The following PKHD1 variants were observed in gnomAD, a reference collection of about 807,000 sequenced individuals.
PKHD1 encodes PKHD1 ciliary IPT domain containing fibrocystin/polyductin, also known as fibrocystin.
In PKHD1, 291 loss-of-function variants were observed where a neutral mutation model predicts 412.0. The ratio of observed to expected loss-of-function variants is 0.71; its 90% CI spans 0.64 to 0.78. The LOEUF is 0.78. PKHD1 is among the 30% of genes least tolerant of loss of function. The pLI is 0.00. For missense variants in PKHD1, 4,825 were observed against 4,950.7 expected, an observed-to-expected ratio of 0.97 and a Z score of 0.76; for synonymous variants, 1,777 against 1,821.5, an observed-to-expected ratio of 0.98 and a Z score of 0.62.
chr6:51,762,689 G>A (rs904824640), intron 55 of PKHD1, among the ~76,000 whole-genome samples: 3 of 149,212 alleles, frequency 2.0e-5, no homozygotes, highest in Non-Finnish European at 4.5e-5. Context: ...AATTCTTTTG[G>A]TGAAAATTCA....
intron 48 of PKHD1, among the ~76,000 whole-genome samples, chr6:51,860,287 C>T (rs1201236472): frequency 6.6e-6 from 1 of 152,168 alleles, no homozygotes; most frequent in Non-Finnish European, 1.5e-5. Context: ...CTGACCATCA[C>T]CAGGGGCCAA....
At chr6:51,968,893 C>G (rs1793238606) in intron 35 of PKHD1, among the ~76,000 whole-genome samples, 1 of 152,194 alleles carries the variant, frequency 6.6e-6, no homozygotes. Flanking sequence ...TCTGAGATGT[C>G]CTAGGATTCT....
intron 55 of PKHD1, among the ~76,000 whole-genome samples, chr6:51,755,979 A>G (rs1786941122): frequency 6.6e-6 from 1 of 152,016 alleles, no homozygotes. Flanking sequence ...TCTGTGTAAT[A>G]CCATGGGAGT....
At chr6:51,823,269 G>A (rs1766757966) in intron 52 of PKHD1, among the ~76,000 whole-genome samples, 1 of 152,012 alleles carries the variant, frequency 6.6e-6, no homozygotes, top group African/African-American at 2.4e-5. Flanking sequence ...CTAGATGGGA[G>A]CACATACCAA....
intron 35 of PKHD1, among the ~76,000 whole-genome samples, chr6:51,965,182 T>A (rs1326924902): frequency 6.6e-6 from 1 of 152,156 alleles, no homozygotes; most frequent in Non-Finnish European, 1.5e-5. Context: ...GTTCTTAAGG[T>A]ACTTATATTA....
At chr6:51,805,358 C>CAG (rs35439600) in intron 52 of PKHD1, among the ~76,000 whole-genome samples, 90,559 of 151,662 alleles carry the variant, frequency 0.6, 27,429 homozygotes, top group East Asian at 0.78. Flanking sequence ...ATGAAAATAA[C>CAG]ACACTAGAGA....
chr6:51,900,384 G>A (rs1428871273), intron 43 of PKHD1, among the ~76,000 whole-genome samples: 1 of 152,196 alleles, frequency 6.6e-6, no homozygotes, highest in Admixed American at 6.5e-5. Context: ...ACAACTATCT[G>A]ATCTTTGACA....
intron 60 of PKHD1, among the ~76,000 whole-genome samples, chr6:51,741,500 C>T (rs560376229): frequency 3.3e-5 from 5 of 152,000 alleles, no homozygotes; most frequent in Non-Finnish European, 7.4e-5. Flanking sequence ...CCCAAAGCAT[C>T]CCCCAAAGTC....
At chr6:51,816,671 G>C (rs9382035) in intron 52 of PKHD1, among the ~76,000 whole-genome samples, 77,646 of 152,060 alleles carry the variant, frequency 0.51, 20,249 homozygotes, top group Middle Eastern at 0.64. Context: ...GCGACCAACT[G>C]ATCAAACTGT....
At chr6:51,864,091 A>G (rs1413897947) in intron 48 of PKHD1, among the ~76,000 whole-genome samples, 1 of 152,178 alleles carries the variant, frequency 6.6e-6, no homozygotes, top group South Asian at 2.1e-4. Flanking sequence ...CCTAGCAGAG[A>G]AAACGACCTC....
At position 51,627,078 on chromosome 6, in the gene PKHD1, T is replaced by G. The variant is rs776394761; in HGVS notation, c.11704A>C (p.Asn3902His). The change falls in exon 66 of 67, where the codon AAT becomes CAT. Residue 3902 changes from asparagine to histidine, a missense_variant. Asn to His is a moderately conservative substitution (Grantham distance 68). Transcript: ENST00000371117. ...PEEIPESQTN[N>H]QNIHIHISSK... ...GAGATGTGGATATGAATATTTTGAT[T>G]ATTAGTCTGGGATTCAGGAATCTCT... is the stretch of plus-strand genomic sequence containing the variant. 1.9e-6 allele frequency: 3 copies of G among 1,610,388 alleles called. No individual in the cohort carries two copies. The highest frequency in any genetic ancestry group is 2.5e-6 in the Non-Finnish European group (3 of 1,176,714).
rs56342114 is a variant in PKHD1, at chr6:52,058,771, CTCTATCTATCTA to C, written c.1234-182_1234-171del. ...TGTGGTTATTTATGCTTCTCCAGCT[CTCTATCTATCTA>C]TCTATCTATCTATCTATCTATCTAT... is the stretch of plus-strand genomic sequence containing the variant. On this transcript the variant is annotated intron_variant, in intron 15 of 66. Coordinates refer to ENST00000371117, the MANE Select transcript of PKHD1 (RefSeq NM_138694.4). 0.016 allele frequency among the ~76,000 whole-genome samples: 2,376 copies of C among 149,302 alleles called. 55 individuals carry two copies. The highest frequency in any genetic ancestry group is 0.056 in the African/African-American group (2,248 of 40,438).
intron 24 of PKHD1, among the ~76,000 whole-genome samples, chr6:52,045,601 G>T (rs1423346789): frequency 1.3e-5 from 2 of 152,166 alleles, no homozygotes; most frequent in African/African-American, 2.4e-5. Flanking sequence ...CCCTAAATAT[G>T]CAAGAGCATC....
intron 36 of PKHD1, among the ~76,000 whole-genome samples, chr6:51,950,220 A>AAAAAAAAAATATATAT: frequency 1.1e-4 from 11 of 98,300 alleles, no homozygotes; most frequent in African/African-American, 3.4e-4. Context: ...GAAAAAAAAA[A>AAAAAAAAAATATATAT]ATATATATAT....
At chr6:51,946,548 G>A (rs1163297098) in intron 36 of PKHD1, among the ~76,000 whole-genome samples, 1 of 152,324 alleles carries the variant, frequency 6.6e-6, no homozygotes, top group African/African-American at 2.4e-5. Flanking sequence ...TGGGAGGGCT[G>A]TGGGAGGACT....
At chr6:51,956,236 T>C (rs1791105036) in intron 36 of PKHD1, among the ~76,000 whole-genome samples, 1 of 152,040 alleles carries the variant, frequency 6.6e-6, no homozygotes, top group African/African-American at 2.4e-5. Context: ...TATGTGTGTA[T>C]GTACATATTT....
intron 46 of PKHD1, among the ~76,000 whole-genome samples, chr6:51,874,760 G>A (rs1164842661): frequency 3.5e-5 from 5 of 144,322 alleles, no homozygotes; most frequent in African/African-American, 1.0e-4. Context: ...AACTCCGTCT[G>A]TACTAAAAAC....
chr6:51,754,797 T>G lies in PKHD1; in HGVS notation c.8784A>C (p.Lys2928Asn), dbSNP rs764420408. 5 of 1,613,620 alleles carry G rather than the reference T, an allele frequency of 3.1e-6. No individual in the cohort carries two copies. The Admixed American group carries it at 8.3e-5, about 27-fold the overall frequency. Residue 2928 changes from lysine to asparagine, a missense_variant, in exon 56 of 67, where the codon AAA becomes AAC. Lys to Asn is a moderately conservative substitution (Grantham distance 94). Transcript: ENST00000371117. ...CCAAAGCCTTACCAATATGCCGGTG[T>G]TTGAGCCGTTCATAGATCCTCACAT... is the stretch of plus-strand genomic sequence containing the variant. ...GHHVRIYERLKHRHIGSVHVT... is the reference protein window; with the variant it reads ...GHHVRIYERLNHRHIGSVHVT...
At chr6:52,087,152 CTCTT>C (rs1424880495) in intron 1 of PKHD1, among the ~76,000 whole-genome samples, 5 of 152,158 alleles carry the variant, frequency 3.3e-5, no homozygotes, top group African/African-American at 9.7e-5. Flanking sequence ...AACTCAGACT[CTCTT>C]TATTTCTCAT....
Sources: gnomAD v4.1 joint callset for allele counts (sites outside exome capture counted in the v4.1 genomes callset) on GRCh38, gnomAD v4.1.1 for gene constraint, MANE v1.5 for transcripts, NCBI Gene and HGNC (gene_info 2026-07-23, HGNC 2026-07-21) for gene names.